The following EPHA5 variants were observed in gnomAD, a reference collection of about 807,000 sequenced individuals.
EPHA5 encodes the protein EPH receptor A5.
EPHA5 carries 60 observed loss-of-function variants against 105.0 expected under a neutral mutation model. That is an observed-to-expected ratio of 0.57 (90% confidence interval 0.46 to 0.71). EPHA5 has a LOEUF of 0.71. Among genes scored for constraint, EPHA5 ranks in the 30% least tolerant of loss-of-function variants. EPHA5 has a pLI of 0.00. For missense variants in EPHA5, 1,218 were observed against 1,274.7 expected, an observed-to-expected ratio of 0.96 and a Z score of 0.68; for synonymous variants, 513 against 449.1, an observed-to-expected ratio of 1.14 and a Z score of -1.80.
chr4:65,469,311 C>T (rs1019790441), intron 5 of EPHA5, among the ~76,000 whole-genome samples: 5 of 152,042 alleles, frequency 3.3e-5, no homozygotes, highest in Non-Finnish European at 5.9e-5. Context: ...TTATGCTACT[C>T]GCAGCTTCTA....
At chr4:65,382,016 A>G (rs1340872933) in intron 8 of EPHA5, among the ~76,000 whole-genome samples, 1 of 151,844 alleles carries the variant, frequency 6.6e-6, no homozygotes, top group Non-Finnish European at 1.5e-5. Flanking sequence ...CATATAAATG[A>G]CTGAGGTGCA....
chr4:65,636,509 A>T (rs1747132411), intron 2 of EPHA5, among the ~76,000 whole-genome samples: 1 of 151,486 alleles, frequency 6.6e-6, no homozygotes, highest in African/African-American at 2.4e-5. Flanking sequence ...ACTTACCCAT[A>T]CTGAATCTCA....
At chr4:65,333,889 C>A (rs546608812) in intron 15 of EPHA5, among the ~76,000 whole-genome samples, 1 of 151,738 alleles carries the variant, frequency 6.6e-6, no homozygotes, top group East Asian at 2.0e-4. Flanking sequence ...AAGTTCTGCC[C>A]ATTATATAGT....
At chr4:65,624,295 T>C (rs868093565) in intron 2 of EPHA5, among the ~76,000 whole-genome samples, 1 of 152,148 alleles carries the variant, frequency 6.6e-6, no homozygotes, top group Non-Finnish European at 1.5e-5. Flanking sequence ...ACAAAAACAA[T>C]TTCCATGAAT....
chr4:65,328,470 A>C (rs1370935336), intron 16 of EPHA5, among the ~76,000 whole-genome samples: 1 of 151,264 alleles, frequency 6.6e-6, no homozygotes, highest in East Asian at 1.9e-4. Context: ...CAGATGATTC[A>C]TTCTCTTCCT....
intron 2 of EPHA5, among the ~76,000 whole-genome samples, chr4:65,629,732 G>A (rs548415438): frequency 8.5e-5 from 13 of 152,172 alleles, no homozygotes; most frequent in African/African-American, 2.6e-4. Flanking sequence ...CTCCTTAACT[G>A]TAGTGATGGC....
chr4:65,521,306 T>C (rs1161723259), intron 3 of EPHA5, among the ~76,000 whole-genome samples: 2 of 152,076 alleles, frequency 1.3e-5, no homozygotes, highest in African/African-American at 2.4e-5. Context: ...TTCTCACTCA[T>C]AGGTGGGAAT....
intron 14 of EPHA5, among the ~76,000 whole-genome samples, chr4:65,341,850 T>C (rs907056553): frequency 5.9e-5 from 9 of 152,050 alleles, no homozygotes; most frequent in African/African-American, 2.2e-4. Context: ...GCTGTTACTA[T>C]GAGATATGAA....
At chr4:65,618,912 T>G (rs1323033127) in intron 2 of EPHA5, among the ~76,000 whole-genome samples, 1 of 152,124 alleles carries the variant, frequency 6.6e-6, no homozygotes, top group Admixed American at 6.5e-5. Context: ...CCCAGCACTT[T>G]GGGAGGCCTA....
Position 65,495,477 on chromosome 4 carries a change from C to G in EPHA5, c.977G>C (p.Ser326Thr), listed in dbSNP as rs1434704749. Reference protein sequence around the residue: ...IQSCGKCPPHSYTHEEASTSC... With the variant: ...IQSCGKCPPHTYTHEEASTSC... ...GGTTGAAGCTTCCTCATGGGTATAA[C>G]TGTGAGGTGGACATTTGCCGCAGCT... is the stretch of plus-strand genomic sequence containing the variant. Residue 326 changes from serine (S) to threonine (T), a missense_variant, in exon 4 of 17, where the codon AGT (serine) becomes ACT (threonine). By Grantham distance (58) the Ser-to-Thr change is moderately conservative. Transcript: ENST00000613740. 1 of 1,613,856 alleles carries G rather than the reference C, an allele frequency of 6.2e-7. No homozygotes were observed.
chr4:65,465,266 C>T (rs565834021), intron 5 of EPHA5, among the ~76,000 whole-genome samples: 136 of 151,764 alleles, frequency 9.0e-4, no homozygotes, highest in African/African-American at 3.2e-3. Context: ...GAAACCCCGT[C>T]TCTACTAACA....
intron 3 of EPHA5, among the ~76,000 whole-genome samples, chr4:65,555,576 TTC>T (rs1738353487): frequency 6.6e-6 from 1 of 151,944 alleles, no homozygotes; most frequent in Admixed American, 6.6e-5. Context: ...AAACTCCATC[TTC>T]TGTTTTCTCC....
At chr4:65,573,695 G>T in intron 3 of EPHA5, 3 of 1,594,866 alleles carry the variant, frequency 1.9e-6, no homozygotes, top group Non-Finnish European at 2.6e-6. Context: ...CTAAATCCAA[G>T]GTTGAAAAGA....
chr4:65,632,608 A>G (rs1746752444), intron 2 of EPHA5, among the ~76,000 whole-genome samples: 1 of 151,682 alleles, frequency 6.6e-6, no homozygotes, highest in South Asian at 2.1e-4. Context: ...TAAATACCTG[A>G]TTATCAATCA....
At chr4:65,612,849 A>T (rs1744900654) in intron 2 of EPHA5, among the ~76,000 whole-genome samples, 1 of 151,966 alleles carries the variant, frequency 6.6e-6, no homozygotes, top group Non-Finnish European at 1.5e-5. Flanking sequence ...ATGATTATTT[A>T]TTTATTTTGC....
chr4:65,669,245 C>T lies in EPHA5; in HGVS notation c.181+317G>A, dbSNP rs556272601. The stretch of plus-strand genomic sequence containing the variant: ...GTGAGGCCCAGCCGCACCCATCCCC[C>T]TGGAACGGGCCTCCATTCCCCAAAG... On this transcript the variant is annotated intron_variant, in intron 1 of 16. Coordinates refer to ENST00000613740, the MANE Select transcript of EPHA5 (RefSeq NM_001281766.3). 2.0e-5 allele frequency among the ~76,000 whole-genome samples: 3 copies of T among 152,140 alleles called. No individual in the cohort carries two copies. The East Asian group carries it at 5.9e-4, about 30-fold the overall frequency.
At chr4:65,538,196 A>AG (rs1385347295) in intron 3 of EPHA5, among the ~76,000 whole-genome samples, 1 of 151,844 alleles carries the variant, frequency 6.6e-6, no homozygotes, top group Non-Finnish European at 1.5e-5. Context: ...GTACGGAGAT[A>AG]TATCTAATTG....
At chr4:65,598,046 C>T (rs1053925020) in intron 3 of EPHA5, among the ~76,000 whole-genome samples, 1 of 152,106 alleles carries the variant, frequency 6.6e-6, no homozygotes, top group Non-Finnish European at 1.5e-5. Flanking sequence ...AAAATCATTG[C>T]CACAGATATA....
chr4:65,442,346 A>G (rs1726101552), intron 5 of EPHA5, among the ~76,000 whole-genome samples: 1 of 152,158 alleles, frequency 6.6e-6, no homozygotes, highest in Non-Finnish European at 1.5e-5. Context: ...AAATTATAGC[A>G]GAAGGCAACT....
Sources: allele counts gnomAD v4.1 joint callset (sites outside exome capture counted in the v4.1 genomes callset), GRCh38; gene constraint gnomAD v4.1.1; transcripts MANE v1.5; gene names NCBI Gene and HGNC (gene_info 2026-07-23, HGNC 2026-07-21).